Variants in PTPN12 observed in about 807,000 individuals in gnomAD.
PTPN12 encodes protein tyrosine phosphatase non-receptor type 12.
Under a neutral mutation model 97.6 loss-of-function variants are expected in PTPN12, and 29 were observed. The observed-to-expected ratio is 0.30, with a 90% CI of 0.22 to 0.41. PTPN12 has a LOEUF of 0.41. Among genes scored for constraint, PTPN12 ranks in the 10% least tolerant of loss-of-function variants. The probability of loss-of-function intolerance (pLI) is 1.00; values close to 1 mark genes in which losing one functional copy is unlikely to be tolerated. For missense variants in PTPN12, 819 were observed against 926.0 expected, an observed-to-expected ratio of 0.88 and a Z score of 1.50; for synonymous variants, 327 against 300.4, an observed-to-expected ratio of 1.09 and a Z score of -0.91.
chr7:77,614,670 C>T (rs991741357), intron 11 of PTPN12, among the ~76,000 whole-genome samples: 1 of 152,132 alleles, frequency 6.6e-6, no homozygotes, highest in Non-Finnish European at 1.5e-5. Context: ...ATATAGGTGA[C>T]TCTTTTTATA....
chr7:77,634,170 A>G (rs939336654), intron 14 of PTPN12, among the ~76,000 whole-genome samples: 7 of 97,478 alleles, frequency 7.2e-5, no homozygotes, highest in Non-Finnish European at 1.1e-4. Context: ...ACTGTACTCC[A>G]GTTTGGTAAC....
chr7:77,573,112 A>AAAAAAAAAAAAAAAC, intron 2 of PTPN12, among the ~76,000 whole-genome samples: 1 of 146,276 alleles, frequency 6.8e-6, no homozygotes, highest in East Asian at 2.2e-4. Flanking sequence ...AAACAAAAAA[A>AAAAAAAAAAAAAAAC]ACCAGTGTAC....
chr7:77,539,268 G>C (rs1050958176), intron 1 of PTPN12, among the ~76,000 whole-genome samples: 6 of 152,118 alleles, frequency 3.9e-5, no homozygotes, highest in African/African-American at 1.2e-4. Context: ...AATAATAGAG[G>C]ACGGAAGTAA....
chr7:77,537,979 G>GA (rs1491559813), intron 1 of PTPN12: 2 of 190,752 alleles, frequency 1.0e-5, no homozygotes, highest in Non-Finnish European at 1.2e-5. Flanking sequence ...GGTGCAGGCC[G>GA]GGGGGGGGGG....
rs144329787 is a variant in PTPN12, at chr7:77,616,858, C to T, written c.940-1622C>T. ...AGTGCAGAGACACGATCTCAGCTTACTGCAACCTCTGCCTCTCAGGTTCAA... is the reference window on the plus strand; with the variant it reads ...AGTGCAGAGACACGATCTCAGCTTATTGCAACCTCTGCCTCTCAGGTTCAA... On this transcript the variant is annotated intron_variant, in intron 11 of 17. Coordinates refer to ENST00000248594, the MANE Select transcript of PTPN12 (RefSeq NM_002835.4). Among the ~76,000 whole-genome samples, 129 of 152,224 alleles carry T rather than the reference C, an allele frequency of 8.5e-4. No homozygotes were observed. In the Middle Eastern group the frequency reaches 0.027, roughly 32 times the overall value.
intron 14 of PTPN12, among the ~76,000 whole-genome samples, chr7:77,635,159 T>G (rs1416261183): frequency 6.6e-6 from 1 of 152,246 alleles, no homozygotes; most frequent in Non-Finnish European, 1.5e-5. Flanking sequence ...GCACAATGGC[T>G]TATGCCTGTG....
At chr7:77,566,462 C>A (rs1407427865) in intron 1 of PTPN12, among the ~76,000 whole-genome samples, 1 of 152,160 alleles carries the variant, frequency 6.6e-6, no homozygotes, top group Non-Finnish European at 1.5e-5. Flanking sequence ...TGGCTTATGG[C>A]TGTAATCCCA....
At chr7:77,639,063 T>C (rs1191070203) in intron 17 of PTPN12, 156 bp from the exon 18 acceptor site, 2 of 659,798 alleles carry the variant, frequency 3.0e-6, no homozygotes, top group East Asian at 3.0e-5. Flanking sequence ...AAATTTACAA[T>C]TGTTTTGCAT....
intron 8 of PTPN12, among the ~76,000 whole-genome samples, chr7:77,603,881 T>G (rs941869423): frequency 2.4e-4 from 34 of 140,708 alleles, no homozygotes; most frequent in African/African-American, 9.7e-4. Context: ...TCTTTTTGTT[T>G]GCTTTTTTTT....
chr7:77,617,278 C>G (rs918851729), intron 11 of PTPN12, among the ~76,000 whole-genome samples: 6 of 152,156 alleles, frequency 3.9e-5, no homozygotes, highest in African/African-American at 1.2e-4. Context: ...GTCACCCTAC[C>G]TATAGCCAGA....
At chr7:77,610,900 T>TA (rs1788546948) in intron 10 of PTPN12, 48 bp from the exon 11 acceptor site, 1 of 1,583,306 alleles carries the variant, frequency 6.3e-7, no homozygotes, top group Non-Finnish European at 8.6e-7. Context: ...TCTTCTTTTT[T>TA]AAAATGTTGT....
intron 2 of PTPN12, 122 bp downstream of exon 2, chr7:77,571,308 G>A (rs1030076135): frequency 6.5e-6 from 4 of 613,194 alleles, no homozygotes; most frequent in Non-Finnish European, 1.1e-5. Context: ...ATCTTTCAAA[G>A]TACATGGAAA....
chr7:77,540,800 AT>A (rs1806933743), intron 1 of PTPN12, among the ~76,000 whole-genome samples: 1 of 152,174 alleles, frequency 6.6e-6, no homozygotes, highest in Non-Finnish European at 1.5e-5. Flanking sequence ...TATAGATTCT[AT>A]TATTTTTAAA....
intron 13 of PTPN12, among the ~76,000 whole-genome samples, chr7:77,631,533 A>G (rs1435147162): frequency 6.6e-6 from 1 of 152,150 alleles, no homozygotes; most frequent in Non-Finnish European, 1.5e-5. Flanking sequence ...ACAGGATTGT[A>G]TTCTTATATT....
rs1428848284 is a variant in PTPN12, at chr7:77,610,988, T to G, written c.881T>G (p.Phe294Cys). ...GTTCATAGAGCTATTGCCCAACTGTTTGAAAAACAGCTACAACTATATGAA... is the reference window on the plus strand; with the variant it reads ...GTTCATAGAGCTATTGCCCAACTGTGTGAAAAACAGCTACAACTATATGAA... ...ELVHRAIAQLFEKQLQLYEIH... is the reference protein window; with the variant it reads ...ELVHRAIAQLCEKQLQLYEIH... The change falls in exon 11 of 18, where the codon TTT (phenylalanine) becomes TGT (cysteine). Residue 294 changes from phenylalanine to cysteine, a missense_variant. By Grantham distance (205) the Phe-to-Cys change is radical. Transcript: ENST00000248594. The G allele has an allele frequency of 6.2e-7, 1 of 1,613,510 alleles. No individual in the cohort carries two copies. The highest frequency in any genetic ancestry group is 8.5e-7 in the Non-Finnish European group (1 of 1,179,718).
chr7:77,564,746 GTTTTTTTTTT>G (rs764476553), intron 1 of PTPN12, among the ~76,000 whole-genome samples: 1,312 of 45,320 alleles, frequency 0.029, 16 homozygotes, highest in African/African-American at 0.11. Context: ...TTGTTGTCGT[GTTTTTTTTTT>G]TTTTTTTTTT....
intron 8 of PTPN12, among the ~76,000 whole-genome samples, chr7:77,601,993 A>C (rs77860236): frequency 0.011 from 1,671 of 152,290 alleles, 26 homozygotes; most frequent in African/African-American, 0.038. Context: ...TGAAAGGACA[A>C]GTATAGGTGC....
At chr7:77,571,280 G>T in intron 2 of PTPN12, 94 bp downstream of exon 2, 1 of 709,362 alleles carries the variant, frequency 1.4e-6, no homozygotes, top group Non-Finnish European at 2.3e-6. Flanking sequence ...TCACTGTTAA[G>T]GAAGTAGTAA....
intron 1 of PTPN12, among the ~76,000 whole-genome samples, chr7:77,548,559 C>A (rs990592429): frequency 6.6e-6 from 1 of 152,160 alleles, no homozygotes; most frequent in Non-Finnish European, 1.5e-5. Flanking sequence ...CTGGGTTAGA[C>A]CCAAGTTAGG....
Sources: gnomAD v4.1 joint callset for allele counts (sites outside exome capture counted in the v4.1 genomes callset) on GRCh38, gnomAD v4.1.1 for gene constraint, MANE v1.5 for transcripts, NCBI Gene and HGNC (gene_info 2026-07-23, HGNC 2026-07-21) for gene names.